FANCA: variants seen among roughly 807,000 people sequenced by gnomAD.
The protein encoded by FANCA is Fanconi anemia group A protein.
In FANCA, 236 loss-of-function variants were observed where a neutral mutation model predicts 194.3. The ratio of observed to expected loss-of-function variants is 1.21; its 90% CI spans 1.09 to 1.35. The LOEUF (loss-of-function observed/expected upper bound fraction) is 1.35. FANCA is among the 40% of genes most tolerant of loss of function. The probability of loss-of-function intolerance (pLI) is 0.00; values close to 1 mark genes in which losing one functional copy is unlikely to be tolerated. For missense variants in FANCA, 2,628 were observed against 1,813.9 expected, an observed-to-expected ratio of 1.45 and a Z score of -8.15; for synonymous variants, 1,014 against 715.8, an observed-to-expected ratio of 1.42 and a Z score of -6.65.
At position 89,737,813 on chromosome 16, in the gene FANCA, G is replaced by A. The variant is rs758515413; in HGVS notation, c.*788C>T. On this transcript the variant is annotated 3_prime_UTR_variant, in exon 43 of 43. Coordinates refer to ENST00000389301, the MANE Select transcript of FANCA (RefSeq NM_000135.4). ...TGGACTCTCCCCTCTCAGAGGTGCG[G>A]AACTATATCTGTGACGAATGTGGAC... is the stretch of plus-strand genomic sequence containing the variant. 6.2e-7 allele frequency: 1 copy of A among 1,614,138 alleles called. No homozygotes were observed. Among genetic ancestry groups the A allele is most frequent in the South Asian group, 1.1e-5 (1 of 91,058 alleles).
intron 1 of FANCA, 117 bp from the exon 2 acceptor site, chr16:89,816,103 G>A (rs1434348777): frequency 7.7e-6 from 6 of 777,362 alleles, no homozygotes; most frequent in Middle Eastern, 2.2e-4. Flanking sequence ...CCGAAGAGGG[G>A]CCGGGGCTCC....
intron 7 of FANCA, among the ~76,000 whole-genome samples, chr16:89,804,697 T>C (rs2040572355): frequency 6.6e-6 from 1 of 152,094 alleles, no homozygotes; most frequent in African/African-American, 2.4e-5. Context: ...ACCTTCTTAG[T>C]TTGTGGGGGG....
chr16:89,754,284 C>T (rs139479318), intron 30 of FANCA, among the ~76,000 whole-genome samples: 216 of 151,078 alleles, frequency 1.4e-3, no homozygotes, highest in African/African-American at 4.9e-3. Context: ...GAGTTCAAGC[C>T]GGGGCAATTC....
intron 11 of FANCA, among the ~76,000 whole-genome samples, chr16:89,795,650 A>C (rs752177771): frequency 5.3e-5 from 8 of 152,208 alleles, no homozygotes; most frequent in Non-Finnish European, 1.0e-4. Flanking sequence ...ACAAACAAAC[A>C]AAAAAGATAT....
intron 28 of FANCA, among the ~76,000 whole-genome samples, chr16:89,763,019 G>A (rs62054642): frequency 0.06 from 9,015 of 151,180 alleles, 408 homozygotes; most frequent in East Asian, 0.22. Flanking sequence ...AGGCCGAGGC[G>A]GGAGGATGAT....
At chr16:89,771,514 G>A (rs1467081359) in intron 23 of FANCA, among the ~76,000 whole-genome samples, 164 bp downstream of exon 23, 1 of 152,114 alleles carries the variant, frequency 6.6e-6, no homozygotes, top group Non-Finnish European at 1.5e-5. Flanking sequence ...CAAACAGACT[G>A]TGGCAGCTGA....
rs951598590 is a variant in FANCA, at chr16:89,815,390, C to A, written c.189+487G>T. Among the ~76,000 whole-genome samples the A allele has an allele frequency of 5.2e-5, 6 of 114,620 alleles. No individual in the cohort carries two copies. The South Asian group carries it at 1.9e-3, about 36-fold the overall frequency. 75.2% of individuals were successfully genotyped at this position (114,620 alleles called of 152,430 possible). On this transcript the variant is annotated intron_variant, in intron 2 of 42. Transcript: ENST00000389301. ...TTGTGAGACAGTCTCACTCTGTAAT[C>A]CAGACTGGATTGCAAGGGGCGTGAT...
At chr16:89,815,738 G>A (rs1008695893) in intron 2 of FANCA, 139 bp downstream of exon 2, 8 of 745,896 alleles carry the variant, frequency 1.1e-5, no homozygotes, top group South Asian at 9.8e-5. Context: ...GAACTCCCGG[G>A]CTCAGGCGAC....
At chr16:89,810,899 C>A (rs1294493444) in intron 4 of FANCA, 30 bp downstream of exon 4, 2 of 1,614,132 alleles carry the variant, frequency 1.2e-6, no homozygotes, top group East Asian at 2.2e-5. Context: ...TAACAACGGG[C>A]AGGTTTCCTC....
intron 29 of FANCA, 124 bp from the exon 30 acceptor site, chr16:89,758,829 G>A (rs1367652704): frequency 6.8e-6 from 10 of 1,465,394 alleles, no homozygotes; most frequent in South Asian, 4.6e-5. Context: ...TGAGACTGGC[G>A]GCTCGGGACC....
intron 3 of FANCA, among the ~76,000 whole-genome samples, chr16:89,813,260 T>A (rs2040971744): frequency 6.6e-6 from 1 of 151,686 alleles, no homozygotes; most frequent in South Asian, 2.1e-4. Flanking sequence ...ATGAAAAAAT[T>A]AGCCAGGCAT....
At chr16:89,748,149 T>C (rs1203063799) in intron 33 of FANCA, among the ~76,000 whole-genome samples, 2 of 152,230 alleles carry the variant, frequency 1.3e-5, no homozygotes, top group East Asian at 3.8e-4. Context: ...TGGGCTCAAG[T>C]GATCCCCCAC....
At chr16:89,760,781 C>G (rs1424031268) in intron 29 of FANCA, among the ~76,000 whole-genome samples, 4 of 151,982 alleles carry the variant, frequency 2.6e-5, no homozygotes, top group Non-Finnish European at 5.9e-5. Flanking sequence ...CCACCTGCTC[C>G]ACACCAGCCT....
At chr16:89,746,943 C>A in intron 33 of FANCA, 53 bp from the exon 34 acceptor site, 1 of 1,479,978 alleles carries the variant, frequency 6.8e-7, no homozygotes, top group African/African-American at 1.4e-5. Context: ...AGAGGCGAGA[C>A]CAACATGCAG....
intron 6 of FANCA, among the ~76,000 whole-genome samples, chr16:89,808,013 G>A (rs372656021): frequency 5.9e-5 from 9 of 152,018 alleles, no homozygotes; most frequent in Non-Finnish European, 7.4e-5. Context: ...AGCTGAAATC[G>A]TGCCACTGCA....
intron 35 of FANCA, among the ~76,000 whole-genome samples, 198 bp from the exon 36 acceptor site, chr16:89,745,269 T>A (rs2038342706): frequency 6.6e-6 from 1 of 152,192 alleles, no homozygotes; most frequent in Non-Finnish European, 1.5e-5. Context: ...TTACCCACAC[T>A]CATGGAAGAC....
intron 14 of FANCA, among the ~76,000 whole-genome samples, chr16:89,786,336 A>C (rs1454180531): frequency 1.3e-5 from 2 of 152,150 alleles, no homozygotes; most frequent in Non-Finnish European, 2.9e-5. Flanking sequence ...GGTGTGCACC[A>C]CCATGCCTGG....
In FANCA at chr16:89,738,440, A is replaced by T. The variant is rs923490846; in HGVS notation, c.*161T>A. On this transcript the variant is annotated 3_prime_UTR_variant, in exon 43 of 43. Transcript: ENST00000389301. ...GTGGTTTATTTTCCCGCAAACGCTG[A>T]GTGACTCGGGGCCGGACAGTTCATA... The T allele has an allele frequency of 1.1e-5, 15 of 1,384,796 alleles. No individual in the cohort carries two copies. Among genetic ancestry groups the T allele is most frequent in the Admixed American group, 8.2e-5 (4 of 49,070 alleles). The allele number at this position is 1,384,796 out of a possible 1,614,324, so 85.8% of individuals were successfully genotyped here.
At chr16:89,790,887 T>C (rs967707142) in intron 14 of FANCA, among the ~76,000 whole-genome samples, 11 of 151,972 alleles carry the variant, frequency 7.2e-5, no homozygotes, top group African/African-American at 2.7e-4. Context: ...TGGCGTACAG[T>C]GGTGCAATCA....
Sources: gnomAD v4.1 joint callset for allele counts (sites outside exome capture counted in the v4.1 genomes callset) on GRCh38, gnomAD v4.1.1 for gene constraint, MANE v1.5 for transcripts, NCBI Gene and HGNC (gene_info 2026-07-23, HGNC 2026-07-21) for gene names.